The following COL8A1 variants were observed in gnomAD, a reference collection of about 807,000 sequenced individuals.
The protein encoded by COL8A1 is collagen alpha-1(VIII) chain.
Under a neutral mutation model 42.7 loss-of-function variants are expected in COL8A1, and 21 were observed. The observed-to-expected ratio is 0.49, with a 90% CI of 0.35 to 0.71. The LOEUF (loss-of-function observed/expected upper bound fraction) is 0.71, where lower values mean the gene tolerates loss of function less well. Ranked by LOEUF, COL8A1 falls within the 30% of genes least tolerant of loss-of-function variation. COL8A1 has a pLI of 0.01. For missense variants in COL8A1, 788 were observed against 962.4 expected (o/e 0.82, Z 2.40); for synonymous variants, 367 against 369.1 (o/e 0.99, Z 0.06).
intron 1 of COL8A1, among the ~76,000 whole-genome samples, chr3:99,723,603 T>A (rs922654305): frequency 2.6e-5 from 4 of 152,172 alleles, no homozygotes; most frequent in African/African-American, 9.6e-5. Context: ...AGAAGCCTTA[T>A]GAAATTTCTC....
At chr3:99,764,701 C>CTTTTT (rs10648559) in intron 2 of COL8A1, among the ~76,000 whole-genome samples, 10 of 125,052 alleles carry the variant, frequency 8.0e-5, no homozygotes, top group Non-Finnish European at 9.6e-5. Context: ...TCTTTTTTTT[C>CTTTTT]TTTTTTTTTT....
chr3:99,646,170 A>G (rs1937637093), intron 1 of COL8A1, among the ~76,000 whole-genome samples: 1 of 152,154 alleles, frequency 6.6e-6, no homozygotes, highest in African/African-American at 2.4e-5. Context: ...GACTTGAGAC[A>G]CTTGCATAAT....
At chr3:99,671,547 T>A (rs1338675570) in intron 1 of COL8A1, among the ~76,000 whole-genome samples, 1 of 151,968 alleles carries the variant, frequency 6.6e-6, no homozygotes, top group East Asian at 1.9e-4. Flanking sequence ...GTACAATAGA[T>A]CCCTTGTACT....
Position 99,676,591 on chromosome 3 carries a change from C to T in COL8A1, c.-129+37927C>T, listed in dbSNP as rs561178737. Reference sequence around the variant, plus strand: ...AACCAAGAAGACTTCCTTGACATGACAAAGTGAATACAAAATTTCTGTGCA... The same window carrying T: ...AACCAAGAAGACTTCCTTGACATGATAAAGTGAATACAAAATTTCTGTGCA... On this transcript the variant is annotated intron_variant, in intron 1 of 3. Coordinates refer to ENST00000652472, the MANE Select transcript of COL8A1 (RefSeq NM_020351.4). Among the ~76,000 whole-genome samples the T allele has an allele frequency of 1.1e-4, 16 of 152,118 alleles. No homozygotes were observed. The South Asian group carries it at 3.3e-3, about 32-fold the overall frequency.
chr3:99,655,116 C>T (rs1937976606), intron 1 of COL8A1, among the ~76,000 whole-genome samples: 1 of 152,142 alleles, frequency 6.6e-6, no homozygotes, highest in Non-Finnish European at 1.5e-5. Flanking sequence ...AATGTGAAAA[C>T]CCCTTTCTTC....
chr3:99,657,719 T>G (rs1938067487), intron 1 of COL8A1, among the ~76,000 whole-genome samples: 2 of 152,188 alleles, frequency 1.3e-5, no homozygotes, highest in Non-Finnish European at 1.5e-5. Flanking sequence ...CTTCTCTAAG[T>G]GCCCCTCATC....
chr3:99,651,110 C>T (rs905509884), intron 1 of COL8A1, among the ~76,000 whole-genome samples: 5 of 152,080 alleles, frequency 3.3e-5, no homozygotes, highest in African/African-American at 1.2e-4. Context: ...CTTAAAATCC[C>T]TCAGAATGAC....
At position 99,694,600 on chromosome 3, in the gene COL8A1, GTCAAA is replaced by G. The variant is rs375457548; in HGVS notation, c.-128-50291_-128-50287del. ...ATCAGAGAATTGTCAAACTAAATGT[GTCAAA>G]TCAAAAGTTAATTTCAGTGTTTGTT... is the stretch of plus-strand genomic sequence containing the variant. On this transcript the variant is annotated intron_variant, in intron 1 of 3. Coordinates refer to ENST00000652472, the MANE Select transcript of COL8A1 (RefSeq NM_020351.4). 3.3e-3 allele frequency among the ~76,000 whole-genome samples: 510 copies of G among 152,280 alleles called. 1 individual carries two copies. Among genetic ancestry groups the G allele is most frequent in the Admixed American group, 5.1e-3 (78 of 15,300 alleles).
rs745739440 is a variant in COL8A1, at chr3:99,796,168, G to A, written c.*32G>A. The A allele has an allele frequency of 2.1e-6, 3 of 1,427,784 alleles. No homozygotes were observed. Among genetic ancestry groups the A allele is most frequent in the East Asian group, 4.7e-5 (2 of 42,618 alleles). The allele number at this position is 1,427,784 out of a possible 1,614,324, so 88.4% of individuals were successfully genotyped here. A position where few individuals can be genotyped will look rare whatever the true frequency, so the allele number is the denominator to read the frequency against. On this transcript the variant is annotated 3_prime_UTR_variant, in exon 4 of 4. Coordinates refer to ENST00000652472, the MANE Select transcript of COL8A1 (RefSeq NM_020351.4). ...AAAAACAAAAAACAAAGAAAAGAAA[G>A]AGATTTTATAGAAGAAAATGACACA...
At chr3:99,733,549 T>C (rs965225327) in intron 1 of COL8A1, among the ~76,000 whole-genome samples, 32 of 152,166 alleles carry the variant, frequency 2.1e-4, no homozygotes, top group South Asian at 1.9e-3. Flanking sequence ...AGTCTATCAT[T>C]GTTGGACGTT....
In COL8A1 at chr3:99,696,975, AATTTTT is replaced by A. The variant is rs1390314809; in HGVS notation, c.-128-47921_-128-47916del. Among the ~76,000 whole-genome samples the A allele has an allele frequency of 1.6e-3, 210 of 133,964 alleles. 3 individuals carry two copies. Among genetic ancestry groups the A allele is most frequent in the African/African-American group, 5.3e-3 (196 of 37,114 alleles). 87.9% of individuals were successfully genotyped at this position (133,964 alleles called of 152,430 possible). On this transcript the variant is annotated intron_variant, in intron 1 of 3. Transcript: ENST00000652472. ...ATAATCCCCACCGGAAATATACACAAATTTTTTTTTTTTTTTTTTTTTTTTTTTTGA... is the reference window on the plus strand; with the variant it reads ...ATAATCCCCACCGGAAATATACACAATTTTTTTTTTTTTTTTTTTTTTTGA...
chr3:99,655,480 G>T (rs548922219), intron 1 of COL8A1, among the ~76,000 whole-genome samples: 2 of 152,316 alleles, frequency 1.3e-5, no homozygotes, highest in African/African-American at 4.8e-5. Flanking sequence ...CTGAAATACT[G>T]TGAGGTCCTG....
intron 1 of COL8A1, among the ~76,000 whole-genome samples, chr3:99,719,944 A>G (rs570054133): frequency 6.6e-6 from 1 of 152,210 alleles, no homozygotes; most frequent in African/African-American, 2.4e-5. Context: ...GAATTCTAAC[A>G]CTTGCCTTGA....
At chr3:99,656,078 G>A (rs1387218386) in intron 1 of COL8A1, among the ~76,000 whole-genome samples, 1 of 152,148 alleles carries the variant, frequency 6.6e-6, no homozygotes, top group Non-Finnish European at 1.5e-5. Flanking sequence ...ATATTTGGTA[G>A]CATCTTTTAA....
chr3:99,724,183 G>A (rs1292810853), intron 1 of COL8A1, among the ~76,000 whole-genome samples: 1 of 152,082 alleles, frequency 6.6e-6, no homozygotes, highest in Admixed American at 6.6e-5. Flanking sequence ...GTTGGAGAGA[G>A]AGGACTCAGT....
At chr3:99,739,389 G>A (rs1438755110) in intron 1 of COL8A1, among the ~76,000 whole-genome samples, 2 of 152,224 alleles carry the variant, frequency 1.3e-5, no homozygotes, top group Non-Finnish European at 2.9e-5. Context: ...GTGCCCTAGT[G>A]GGGACTATGT....
intron 2 of COL8A1, among the ~76,000 whole-genome samples, chr3:99,781,941 A>G (rs1468642075): frequency 2.0e-5 from 3 of 152,132 alleles, no homozygotes; most frequent in African/African-American, 4.8e-5. Context: ...ATTAACCACG[A>G]ATTTCCCCTT....
At chr3:99,764,909 C>A (rs901329282) in intron 2 of COL8A1, among the ~76,000 whole-genome samples, 1 of 151,964 alleles carries the variant, frequency 6.6e-6, no homozygotes, top group Non-Finnish European at 1.5e-5. Flanking sequence ...TAAATGTTAG[C>A]TGTCATGTCA....
chr3:99,735,305 A>C (rs1348640040), intron 1 of COL8A1, among the ~76,000 whole-genome samples: 2 of 105,078 alleles, frequency 1.9e-5, no homozygotes, highest in African/African-American at 4.2e-5. Flanking sequence ...GATAGCTCTT[A>C]TTATTTTGAA....
Sources: gnomAD v4.1 joint callset for allele counts (sites outside exome capture counted in the v4.1 genomes callset) on GRCh38, gnomAD v4.1.1 for gene constraint, MANE v1.5 for transcripts, NCBI Gene and HGNC (gene_info 2026-07-23, HGNC 2026-07-21) for gene names.